Variants in PLA2G4A observed in about 807,000 individuals in gnomAD.
The protein encoded by PLA2G4A is phospholipase A2 group IVA.
In PLA2G4A, 40 loss-of-function variants were observed where a neutral mutation model predicts 81.9. The ratio of observed to expected loss-of-function variants is 0.49; its 90% CI spans 0.38 to 0.64. The LOEUF is 0.64. Ranked by LOEUF, PLA2G4A falls within the 30% of genes least tolerant of loss-of-function variation. The pLI is 0.00. For synonymous variants in PLA2G4A, 302 were observed against 296.9 expected (o/e 1.02, Z -0.18); for missense variants, 715 against 905.1 (o/e 0.79, Z 2.69).
At chr1:186,830,960 T>TG (rs1558339100) in intron 1 of PLA2G4A, among the ~76,000 whole-genome samples, 1 of 33,742 alleles carries the variant, frequency 3.0e-5, no homozygotes, top group Non-Finnish European at 6.3e-5. Flanking sequence ...CTTGCTTGCT[T>TG]TCTTTCTTTC....
At chr1:186,962,399 G>A (rs1334295326) in intron 14 of PLA2G4A, among the ~76,000 whole-genome samples, 1 of 151,956 alleles carries the variant, frequency 6.6e-6, no homozygotes, top group Non-Finnish European at 1.5e-5. Context: ...ATGTTAGGTT[G>A]AATTGCGATA....
chr1:186,976,756 A>G (rs1401113177), intron 15 of PLA2G4A, among the ~76,000 whole-genome samples: 1 of 152,180 alleles, frequency 6.6e-6, no homozygotes. Flanking sequence ...TCCAGTTTAA[A>G]TTTAATTTTG....
chr1:186,969,861 C>G (rs902526815), intron 15 of PLA2G4A, among the ~76,000 whole-genome samples: 3 of 151,944 alleles, frequency 2.0e-5, no homozygotes, highest in African/African-American at 7.2e-5. Context: ...AATAGTGCTG[C>G]AATCAGCATG....
chr1:186,938,987 T>C (rs543777388), intron 8 of PLA2G4A, 21 bp from the exon 9 acceptor site: 12 of 1,196,892 alleles, frequency 1.0e-5, no homozygotes, highest in Non-Finnish European at 1.5e-5. Context: ...CTTTACTGAT[T>C]GTGTTTTGTT....
intron 8 of PLA2G4A, among the ~76,000 whole-genome samples, chr1:186,934,440 G>GCA (rs148141099): frequency 1.4e-5 from 1 of 70,972 alleles, no homozygotes. Flanking sequence ...TTTTAAATGT[G>GCA]CACATATATA....
At chr1:186,918,042 C>T (rs1655203516) in intron 7 of PLA2G4A, among the ~76,000 whole-genome samples, 1 of 152,212 alleles carries the variant, frequency 6.6e-6, no homozygotes, top group Non-Finnish European at 1.5e-5. Context: ...CAGCTACCCT[C>T]CCATCTGGCA....
chr1:186,887,645 A>C (rs1288531749), intron 3 of PLA2G4A, among the ~76,000 whole-genome samples: 1 of 152,172 alleles, frequency 6.6e-6, no homozygotes, highest in East Asian at 1.9e-4. Context: ...TGAGTTAGTG[A>C]CTCAACACGC....
chr1:186,896,199 A>G (rs183711696), intron 5 of PLA2G4A, among the ~76,000 whole-genome samples: 6 of 152,316 alleles, frequency 3.9e-5, no homozygotes, highest in Admixed American at 2.0e-4. Context: ...ATAGATGTGC[A>G]CATGTATACA....
At chr1:186,858,445 GAT>G (rs1425588421) in intron 2 of PLA2G4A, among the ~76,000 whole-genome samples, 1 of 152,122 alleles carries the variant, frequency 6.6e-6, no homozygotes, top group Non-Finnish European at 1.5e-5. Flanking sequence ...CCCACTTTTT[GAT>G]AGGGTTGTTT....
Position 186,848,722 on chromosome 1 carries a change from TAC to T in PLA2G4A, c.-69-5542_-69-5541del, listed in dbSNP as rs10651334. Among the ~76,000 whole-genome samples the T allele has an allele frequency of 8.0e-3, 1,185 of 148,300 alleles. 11 individuals are homozygous for T. The highest frequency in any genetic ancestry group is 0.024 in the African/African-American group (975 of 40,732). On this transcript the variant is annotated intron_variant, in intron 1 of 17. Transcript: ENST00000367466. ...CTTGTAGTTCTTAACCTAGTGATTTTACACACACACACACACACACACATACA... is the reference window on the plus strand; with the variant it reads ...CTTGTAGTTCTTAACCTAGTGATTTTACACACACACACACACACACATACA...
intron 3 of PLA2G4A, among the ~76,000 whole-genome samples, chr1:186,889,100 A>T (rs1173560438): frequency 6.6e-6 from 1 of 152,152 alleles, no homozygotes; most frequent in Non-Finnish European, 1.5e-5. Context: ...TGAAAATGTG[A>T]TAATGTTACC....
chr1:186,884,601 GC>G (rs1653862455), intron 3 of PLA2G4A, among the ~76,000 whole-genome samples: 1 of 152,126 alleles, frequency 6.6e-6, no homozygotes, highest in African/African-American at 2.4e-5. Flanking sequence ...GCCAGGCTTG[GC>G]GTGGTGGCTC....
intron 1 of PLA2G4A, among the ~76,000 whole-genome samples, chr1:186,841,765 G>C (rs1433278019): frequency 6.6e-6 from 1 of 152,080 alleles, no homozygotes; most frequent in African/African-American, 2.4e-5. Context: ...GGAGTGAGGA[G>C]ACATTCTTGC....
intron 15 of PLA2G4A, among the ~76,000 whole-genome samples, chr1:186,969,783 A>G (rs1001703758): frequency 6.6e-6 from 1 of 151,926 alleles, no homozygotes; most frequent in East Asian, 1.9e-4. Context: ...GTGTGTAGGT[A>G]TCACATTTTC....
chr1:186,872,100 G>C (rs913005534), intron 3 of PLA2G4A, among the ~76,000 whole-genome samples: 2 of 152,032 alleles, frequency 1.3e-5, no homozygotes, highest in African/African-American at 4.8e-5. Flanking sequence ...GGTGAGGAGA[G>C]CAATGGCAAT....
intron 1 of PLA2G4A, among the ~76,000 whole-genome samples, chr1:186,838,305 G>GT (rs2102002417): frequency 6.6e-6 from 1 of 152,180 alleles, no homozygotes; most frequent in South Asian, 2.1e-4. Flanking sequence ...AAGAAAAATT[G>GT]TTTTTAAAGA....
At chr1:186,936,268 A>G (rs1655940576) in intron 8 of PLA2G4A, among the ~76,000 whole-genome samples, 2 of 151,990 alleles carry the variant, frequency 1.3e-5, no homozygotes, top group African/African-American at 4.8e-5. Flanking sequence ...TAGAACAATG[A>G]AAAAAGAAAC....
At chr1:186,863,693 G>T (rs1366522933) in intron 2 of PLA2G4A, among the ~76,000 whole-genome samples, 2 of 151,596 alleles carry the variant, frequency 1.3e-5, no homozygotes, top group African/African-American at 4.9e-5. Flanking sequence ...TACTTCTATG[G>T]CATCAACTTC....
intron 1 of PLA2G4A, among the ~76,000 whole-genome samples, chr1:186,830,577 C>T (rs529563551): frequency 1.1e-3 from 146 of 129,688 alleles, no homozygotes; most frequent in South Asian, 2.8e-3. Context: ...CATTGCACTC[C>T]TGCCTGAGCG....
Sources: allele counts gnomAD v4.1 joint callset (sites outside exome capture counted in the v4.1 genomes callset), GRCh38; gene constraint gnomAD v4.1.1; transcripts MANE v1.5; gene names NCBI Gene and HGNC (gene_info 2026-07-23, HGNC 2026-07-21).